NPHP1: variants seen among roughly 807,000 people sequenced by gnomAD.
NPHP1 encodes the protein nephrocystin-1.
A neutral mutation model predicts 90.4 loss-of-function variants in NPHP1; 70 were observed. The ratio of observed to expected loss-of-function variants is 0.77; its 90% confidence interval spans 0.64 to 0.95. NPHP1 has a LOEUF of 0.95. Ranked by LOEUF, NPHP1 falls within the 40% of genes least tolerant of loss-of-function variation. The pLI, the probability that NPHP1 is intolerant of heterozygous loss-of-function variation, is 0.00. For missense variants in NPHP1, 764 were observed against 795.9 expected (o/e 0.96, Z 0.48); for synonymous variants, 256 against 271.7 (o/e 0.94, Z 0.57).
At chr2:110,130,378 C>T (rs1191899860) in intron 17 of NPHP1, among the ~76,000 whole-genome samples, 1 of 152,106 alleles carries the variant, frequency 6.6e-6, no homozygotes, top group Admixed American at 6.5e-5. Context: ...AAACTTCTTA[C>T]CTATTGGGAA....
intron 17 of NPHP1, among the ~76,000 whole-genome samples, chr2:110,129,638 A>G (rs1380471181): frequency 6.6e-6 from 1 of 152,186 alleles, no homozygotes; most frequent in Non-Finnish European, 1.5e-5. Context: ...AGCAGAAACT[A>G]GGAAGCATTG....
intron 16 of NPHP1, among the ~76,000 whole-genome samples, chr2:110,134,470 C>T (rs1212953361): frequency 5.4e-5 from 8 of 149,026 alleles, no homozygotes; most frequent in Admixed American, 4.7e-4. Context: ...GAGGAAAAAA[C>T]ACTATCAAAC....
chr2:110,134,062 TG>T (rs1337221167), intron 16 of NPHP1, among the ~76,000 whole-genome samples: 1 of 151,898 alleles, frequency 6.6e-6, no homozygotes, highest in Non-Finnish European at 1.5e-5. Flanking sequence ...AGAAAATCAA[TG>T]AAAGCAAGAC....
At chr2:110,183,142 G>C (rs1328869661) in intron 2 of NPHP1, among the ~76,000 whole-genome samples, 1 of 152,130 alleles carries the variant, frequency 6.6e-6, no homozygotes, top group African/African-American at 2.4e-5. Context: ...GTTGGGAAGA[G>C]ACCCCGAAAT....
intron 11 of NPHP1, among the ~76,000 whole-genome samples, chr2:110,155,883 G>A (rs1290991852): frequency 6.6e-6 from 1 of 152,076 alleles, no homozygotes; most frequent in African/African-American, 2.4e-5. Context: ...TTAAGACTTT[G>A]GGGGACTGTT....
rs113770212 is a variant in NPHP1, at chr2:110,131,615, T to C, written c.1642+64A>G. ...CAGAAACAGAAGATACAAGATGGTA[T>C]AGGTTACCTTTACTCAGAGTATGAA... On this transcript the variant is annotated intron_variant, in intron 17 of 19. Coordinates refer to ENST00000445609, the MANE Select transcript of NPHP1 (RefSeq NM_001128178.3). 21 of 917,542 alleles carry C rather than the reference T, an allele frequency of 2.3e-5. 1 individual carries two copies. The African/African-American group carries it at 2.9e-4, about 13-fold the overall frequency. The allele number at this position is 917,542 out of a possible 1,614,324, so 56.8% of individuals were successfully genotyped here.
At chr2:110,199,080 G>C (rs1315637330) in intron 2 of NPHP1, among the ~76,000 whole-genome samples, 2 of 151,948 alleles carry the variant, frequency 1.3e-5, no homozygotes, top group Non-Finnish European at 2.9e-5. Context: ...ATGAAAACAG[G>C]AACATGATGC....
intron 2 of NPHP1, among the ~76,000 whole-genome samples, chr2:110,185,866 G>A (rs1191255234): frequency 6.6e-6 from 1 of 152,176 alleles, no homozygotes; most frequent in East Asian, 1.9e-4. Flanking sequence ...CAGAGATAAT[G>A]TTCCCAGCCC....
intron 18 of NPHP1, chr2:110,127,273 C>G (rs982956839): frequency 1.3e-5 from 2 of 152,162 alleles, no homozygotes; most frequent in African/African-American, 4.8e-5. Context: ...GGAGCAGCAT[C>G]TTCCACTGAT....
intron 4 of NPHP1, among the ~76,000 whole-genome samples, chr2:110,177,752 T>C (rs1399092899): frequency 6.6e-6 from 1 of 152,004 alleles, no homozygotes; most frequent in Non-Finnish European, 1.5e-5. Context: ...CAATTTTTTT[T>C]TTTTTTAATA....
intron 11 of NPHP1, among the ~76,000 whole-genome samples, chr2:110,151,685 T>C (rs1468301040): frequency 6.6e-6 from 1 of 152,110 alleles, no homozygotes; most frequent in Non-Finnish European, 1.5e-5. Flanking sequence ...TATATATATG[T>C]TTAAACTTTT....
In NPHP1 at chr2:110,143,522, A is replaced by C. The variant is rs1311670481; in HGVS notation, c.1529+20T>G. On this transcript the variant is annotated intron_variant, in intron 16 of 19. Transcript: ENST00000445609. ...CTGAATGATCCCAAATTCACTGGAC[A>C]GGTAAAAGCAGGTACCCACCTTAGT... 1.3e-5 allele frequency: 20 copies of C among 1,523,180 alleles called. No homozygotes were observed. The highest frequency in any genetic ancestry group is 1.6e-5 in the Non-Finnish European group (18 of 1,097,036). The allele number at this position is 1,523,180 out of a possible 1,614,324, so 94.4% of individuals were successfully genotyped here. A position where few individuals can be genotyped will look rare whatever the true frequency, so the allele number is the denominator to read the frequency against.
At chr2:110,172,995 T>C (rs549985493) in intron 4 of NPHP1, among the ~76,000 whole-genome samples, 1 of 150,712 alleles carries the variant, frequency 6.6e-6, no homozygotes, top group African/African-American at 2.4e-5. Context: ...TGTCTCATTC[T>C]GTCACCAGGC....
In NPHP1 at chr2:110,201,422, T is replaced by C; in HGVS notation, c.142A>G (p.Arg48Gly). 1 of 1,596,988 alleles carries C rather than the reference T, an allele frequency of 6.3e-7. No individual in the cohort carries two copies. The highest frequency in any genetic ancestry group is 8.6e-7 in the Non-Finnish European group (1 of 1,166,352). ...EPNKRQHIYQ[R>G]CIQLKQAIDE... ...CTTATATAATTTAGCATACTTTACC[T>C]TTGATAAATATGTTGTCTTTTATTG... Residue 48 changes from arginine to glycine, a missense_variant and splice_region_variant, in exon 2 of 20, where the codon AGA becomes GGA. By Grantham distance (125) the Arg-to-Gly change is moderately radical. Coordinates refer to ENST00000445609, the MANE Select transcript of NPHP1 (RefSeq NM_001128178.3).
intron 4 of NPHP1, among the ~76,000 whole-genome samples, chr2:110,170,748 C>CG (rs1327356511): frequency 6.6e-6 from 1 of 151,698 alleles, no homozygotes; most frequent in Non-Finnish European, 1.5e-5. Flanking sequence ...CCAGGTTGCA[C>CG]GAATGGGAAT....
In NPHP1 at chr2:110,204,980, CG is replaced by C. The variant is rs763232489; in HGVS notation, c.-13del. 6.2e-7 allele frequency: 1 copy of C among 1,613,706 alleles called. No individual in the cohort carries two copies. The highest frequency in any genetic ancestry group is 8.5e-7 in the Non-Finnish European group (1 of 1,179,786). ...CGTCTCGCCAGCATCTCCCTGGCTGCGGTGCTCTGATTGCTCCAGTTGCCAG... is the reference window on the plus strand; with the variant it reads ...CGTCTCGCCAGCATCTCCCTGGCTGCGTGCTCTGATTGCTCCAGTTGCCAG... On this transcript the variant is annotated 5_prime_UTR_variant, in exon 1 of 20. Transcript: ENST00000445609.
Position 110,168,372 on chromosome 2 carries a change from C to G in NPHP1, c.624+80G>C, listed in dbSNP as rs879213575. ...CTCAAGTCATTCACTAGTCAACTGA[C>G]AAAAGAACACAGCTAAATGTTTTAT... On this transcript the variant is annotated intron_variant, in intron 6 of 19. Coordinates refer to ENST00000445609, the MANE Select transcript of NPHP1 (RefSeq NM_001128178.3). 1.7e-5 allele frequency: 15 copies of G among 903,518 alleles called. No homozygotes were observed. In the South Asian group the frequency reaches 2.0e-4, roughly 12 times the overall value. The allele number at this position is 903,518 out of a possible 1,614,324, so 56.0% of individuals were successfully genotyped here. A position where few individuals can be genotyped will look rare whatever the true frequency, so the allele number is the denominator to read the frequency against.
intron 16 of NPHP1, among the ~76,000 whole-genome samples, chr2:110,142,523 T>G (rs1680722048): frequency 6.6e-6 from 1 of 151,862 alleles, no homozygotes; most frequent in Non-Finnish European, 1.5e-5. Flanking sequence ...CAGCTAATTT[T>G]TTTTTTTTGG....
intron 4 of NPHP1, among the ~76,000 whole-genome samples, chr2:110,172,936 T>C (rs975533459): frequency 2.6e-5 from 4 of 151,946 alleles, no homozygotes; most frequent in Middle Eastern, 3.4e-3. Flanking sequence ...TGCAAACATG[T>C]AGTAATTTCT....
Sources: gnomAD v4.1 joint callset for allele counts (sites outside exome capture counted in the v4.1 genomes callset) on GRCh38, gnomAD v4.1.1 for gene constraint, MANE v1.5 for transcripts, NCBI Gene and HGNC (gene_info 2026-07-23, HGNC 2026-07-21) for gene names.